RPS6KA2: variants seen among roughly 807,000 people sequenced by gnomAD.
RPS6KA2 encodes the protein ribosomal protein S6 kinase alpha-2.
In RPS6KA2, 42 loss-of-function variants were observed where a neutral mutation model predicts 91.8. That is an observed-to-expected ratio of 0.46 (90% CI 0.36 to 0.59). The LOEUF (loss-of-function observed/expected upper bound fraction) is 0.59, where lower values mean the gene tolerates loss of function less well. Ranked by LOEUF, RPS6KA2 falls within the 20% of genes least tolerant of loss-of-function variation. RPS6KA2 has a pLI of 0.00. For missense variants in RPS6KA2, 798 were observed against 978.5 expected, an observed-to-expected ratio of 0.82 and a Z score of 2.46; for synonymous variants, 414 against 393.6, an observed-to-expected ratio of 1.05 and a Z score of -0.61.
chr6:166,744,110 A>G (rs2128593957), intron 2 of RPS6KA2, among the ~76,000 whole-genome samples: 1 of 152,246 alleles, frequency 6.6e-6, no homozygotes, highest in South Asian at 2.1e-4. Flanking sequence ...TCCCATAGAC[A>G]GGGGTAAACA....
intron 1 of RPS6KA2, among the ~76,000 whole-genome samples, chr6:166,564,947 G>A (rs535087388): frequency 6.6e-6 from 1 of 152,236 alleles, no homozygotes; most frequent in Non-Finnish European, 1.5e-5. Flanking sequence ...CGTCATCTGT[G>A]GGCCATGAAT....
intron 1 of RPS6KA2, among the ~76,000 whole-genome samples, chr6:166,577,611 C>G (rs1330939145): frequency 6.6e-6 from 1 of 152,212 alleles, no homozygotes; most frequent in African/African-American, 2.4e-5. Context: ...GGAACAATAA[C>G]TGTACCCCCA....
Position 166,511,242 on chromosome 6 carries a change from C to T in RPS6KA2, c.299-885G>A, listed in dbSNP as rs528191179. On this transcript the variant is annotated intron_variant, in intron 3 of 20. Coordinates refer to ENST00000265678, the MANE Select transcript of RPS6KA2 (RefSeq NM_021135.6). The stretch of plus-strand genomic sequence containing the variant: ...CTGATATCTGGCATAGAGTGACCTG[C>T]GGGTTCCCTAACAATCCTTCATCCA... Among the ~76,000 whole-genome samples, 9 of 152,228 alleles carry T rather than the reference C, an allele frequency of 5.9e-5. No individual in the cohort carries two copies. In the South Asian group the frequency reaches 1.0e-3, roughly 18 times the overall value.
intron 1 of RPS6KA2, among the ~76,000 whole-genome samples, chr6:166,558,564 A>C (rs1784244975): frequency 6.6e-6 from 1 of 152,208 alleles, no homozygotes; most frequent in Non-Finnish European, 1.5e-5. Flanking sequence ...GGCAACACTC[A>C]AGGCTGGGCT....
intron 1 of RPS6KA2, among the ~76,000 whole-genome samples, chr6:166,550,501 A>T (rs542034564): frequency 2.6e-5 from 4 of 152,198 alleles, no homozygotes; most frequent in Non-Finnish European, 5.9e-5. Context: ...TACTCAACAC[A>T]CAGATTCCTC....
intron 2 of RPS6KA2, among the ~76,000 whole-genome samples, chr6:166,778,100 T>G (rs775932285): frequency 1.6e-4 from 24 of 152,342 alleles, no homozygotes; most frequent in Middle Eastern, 3.4e-3. Context: ...CCAACACCAT[T>G]TTAAAGACAC....
At chr6:166,546,734 G>A (rs1783839559) in intron 1 of RPS6KA2, among the ~76,000 whole-genome samples, 1 of 152,186 alleles carries the variant, frequency 6.6e-6, no homozygotes, top group Non-Finnish European at 1.5e-5. Context: ...AATTATCGAT[G>A]TGTCCAATGT....
chr6:166,674,055 G>C (rs1376216794), intron 2 of RPS6KA2, among the ~76,000 whole-genome samples: 1 of 152,136 alleles, frequency 6.6e-6, no homozygotes, highest in Non-Finnish European at 1.5e-5. Context: ...AGAGAGTTCG[G>C]GCAAGATTGT....
chr6:166,692,385 G>A (rs754294929), intron 2 of RPS6KA2, among the ~76,000 whole-genome samples: 40 of 152,016 alleles, frequency 2.6e-4, no homozygotes, highest in Non-Finnish European at 4.6e-4. Flanking sequence ...GTGTTCTGTC[G>A]AACCCAGGGA....
chr6:166,812,339 G>A (rs933390198), intron 2 of RPS6KA2, among the ~76,000 whole-genome samples: 1 of 152,212 alleles, frequency 6.6e-6, no homozygotes, highest in Non-Finnish European at 1.5e-5. Context: ...CTGGGCGACA[G>A]AGTGAGACTC....
At chr6:166,618,994 C>G (rs1210985166) in intron 1 of RPS6KA2, among the ~76,000 whole-genome samples, 1 of 152,054 alleles carries the variant, frequency 6.6e-6, no homozygotes, top group African/African-American at 2.4e-5. Context: ...CGTATGGGCT[C>G]CAATCGATGC....
rs1414416169 is a variant in RPS6KA2, at chr6:166,445,818, G to A, written c.1332+2906C>T. Among the ~76,000 whole-genome samples, 1 of 152,168 alleles carries A rather than the reference G, an allele frequency of 6.6e-6. No individual in the cohort carries two copies. Among genetic ancestry groups the A allele is most frequent in the African/African-American group, 2.4e-5 (1 of 41,446 alleles). On this transcript the variant is annotated intron_variant, in intron 14 of 20. Coordinates refer to ENST00000265678, the MANE Select transcript of RPS6KA2 (RefSeq NM_021135.6). This position sits in a 1 kb window ranked among gnomAD's most constrained non-coding sequence, Gnocchi z 4.5. ...AGGTGGGATCGTATACGGCTCAAGC[G>A]GCAACTGGGAGTGGTAAAGCCGGAT...
In RPS6KA2 at chr6:166,459,972, C is replaced by A. The variant is rs908945335; in HGVS notation, c.973-421G>T. Reference sequence around the variant, plus strand: ...AAGAGGCCGTGTGGCTCTCTCCTCCCTGCCCTGGGACTTTGGGGCCAGCAC... The same window carrying A: ...AAGAGGCCGTGTGGCTCTCTCCTCCATGCCCTGGGACTTTGGGGCCAGCAC... On this transcript the variant is annotated intron_variant, in intron 11 of 20. Transcript: ENST00000265678. The surrounding 1 kb of genome is among the most constrained non-coding windows in gnomAD (Gnocchi z 4.9). Among the ~76,000 whole-genome samples the A allele has an allele frequency of 6.6e-6, 1 of 152,200 alleles. No homozygotes were observed. The highest frequency in any genetic ancestry group is 1.5e-5 in the Non-Finnish European group (1 of 68,026).
intron 14 of RPS6KA2, among the ~76,000 whole-genome samples, chr6:166,442,072 G>A (rs1037030309): frequency 1.3e-5 from 2 of 152,212 alleles, no homozygotes; most frequent in Non-Finnish European, 2.9e-5. Context: ...AGACTCAGGT[G>A]CGATTTTACA....
At chr6:166,456,208 G>A (rs769618791) in intron 12 of RPS6KA2, among the ~76,000 whole-genome samples, 2 of 152,236 alleles carry the variant, frequency 1.3e-5, no homozygotes, top group Non-Finnish European at 2.9e-5. Context: ...AAGGGTAAAA[G>A]TAACAGCAAT....
At chr6:166,589,681 A>G (rs932648077) in intron 1 of RPS6KA2, among the ~76,000 whole-genome samples, 7 of 152,254 alleles carry the variant, frequency 4.6e-5, no homozygotes, top group African/African-American at 9.6e-5. Context: ...GACTGTTGGT[A>G]GAAATGGGCG....
chr6:166,448,851 T>C lies in RPS6KA2; in HGVS notation c.1207-2A>G, dbSNP rs1779762151. ...GTGGATGTTGTTCCCGTGTAACTGC[T>C]GCAGAGGGACCAAGAGAAGAAGAGT... On this transcript the variant is annotated splice_acceptor_variant, in intron 13 of 20. Transcript: ENST00000265678. LOFTEE classifies it high-confidence loss of function. The surrounding 1 kb of genome is among the most constrained non-coding windows in gnomAD (Gnocchi z 4.7). The C allele has an allele frequency of 3.7e-6, 6 of 1,613,740 alleles. No homozygotes were observed. The highest frequency in any genetic ancestry group is 5.1e-6 in the Non-Finnish European group (6 of 1,179,862).
At chr6:166,619,420 C>T (rs1786542972) in intron 1 of RPS6KA2, among the ~76,000 whole-genome samples, 1 of 152,256 alleles carries the variant, frequency 6.6e-6, no homozygotes, top group Admixed American at 6.5e-5. Context: ...TCAAAGTCAA[C>T]CAATCAACAG....
intron 1 of RPS6KA2, among the ~76,000 whole-genome samples, chr6:166,551,416 G>A (rs932650117): frequency 6.6e-6 from 1 of 152,200 alleles, no homozygotes; most frequent in African/African-American, 2.4e-5. Flanking sequence ...GAAGACATGT[G>A]GCATGTGGCA....
Sources: allele counts gnomAD v4.1 joint callset (sites outside exome capture counted in the v4.1 genomes callset), GRCh38; gene constraint gnomAD v4.1.1; non-coding constraint Gnocchi (gnomAD v3.1); transcripts MANE v1.5; gene names NCBI Gene and HGNC (gene_info 2026-07-23, HGNC 2026-07-21).